ST8SIA1: variants seen among roughly 807,000 people sequenced by gnomAD.
ST8SIA1 encodes alpha-N-acetylneuraminide alpha-2,8-sialyltransferase.
A neutral mutation model predicts 35.9 loss-of-function variants in ST8SIA1; 16 were observed. The observed-to-expected ratio is 0.45, with a 90% confidence interval of 0.30 to 0.68. The LOEUF is 0.68. ST8SIA1 is among the 30% of genes least tolerant of loss of function. The pLI is 0.09. For missense variants in ST8SIA1, 383 were observed against 453.6 expected (o/e 0.84, Z 1.41); for synonymous variants, 170 against 169.6 (o/e 1.00, Z -0.02).
intron 2 of ST8SIA1, among the ~76,000 whole-genome samples, chr12:22,276,722 G>A (rs1217898034): frequency 6.6e-6 from 1 of 152,094 alleles, no homozygotes; most frequent in Non-Finnish European, 1.5e-5. Context: ...GAAGGTGTGA[G>A]CCTGGGAGTG....
intron 4 of ST8SIA1, chr12:22,223,857 T>A (rs187471528): frequency 2.7e-6 from 3 of 1,098,318 alleles, no homozygotes; most frequent in Non-Finnish European, 3.4e-6. Flanking sequence ...TGTTTCTAAT[T>A]GTGCAAAATA....
intron 1 of ST8SIA1, among the ~76,000 whole-genome samples, chr12:22,321,816 C>T (rs1866606091): frequency 6.6e-6 from 1 of 152,214 alleles, no homozygotes. Flanking sequence ...ACTCAGCTCA[C>T]CAGAGTCTTG....
Position 22,296,357 on chromosome 12 carries a change from G to T in ST8SIA1, c.237-9064C>A, listed in dbSNP as rs546755796. 2.6e-5 allele frequency among the ~76,000 whole-genome samples: 4 copies of T among 152,262 alleles called. No homozygotes were observed. In the East Asian group the frequency reaches 7.7e-4, roughly 29 times the overall value. On this transcript the variant is annotated intron_variant, in intron 1 of 4. Transcript: ENST00000396037. The stretch of plus-strand genomic sequence containing the variant: ...TTGAATTTGACTAGAAGTTGCAATG[G>T]AGGGTGTGGGGCCACTGCACAACAG...
chr12:22,320,941 GAA>G (rs1371936540), intron 1 of ST8SIA1, among the ~76,000 whole-genome samples: 15 of 70,918 alleles, frequency 2.1e-4, no homozygotes, highest in Non-Finnish European at 3.5e-4. Flanking sequence ...AAGAAAGAAA[GAA>G]AGAAAGAAAG....
intron 1 of ST8SIA1, among the ~76,000 whole-genome samples, chr12:22,333,099 A>T (rs1220159478): frequency 1.3e-5 from 2 of 152,246 alleles, no homozygotes; most frequent in Non-Finnish European, 1.5e-5. Context: ...TGCTGCCGTA[A>T]CTTATTTTTA....
intron 1 of ST8SIA1, among the ~76,000 whole-genome samples, chr12:22,318,165 A>T (rs1021174751): frequency 6.7e-6 from 1 of 149,394 alleles, no homozygotes; most frequent in Non-Finnish European, 1.5e-5. Flanking sequence ...TTATTTTAAT[A>T]AAAAAAATAC....
intron 2 of ST8SIA1, among the ~76,000 whole-genome samples, chr12:22,272,842 T>C (rs984438005): frequency 1.3e-5 from 2 of 152,222 alleles, no homozygotes; most frequent in African/African-American, 4.8e-5. Flanking sequence ...TTAGTTCTGG[T>C]TGGGGAGAAG....
intron 4 of ST8SIA1, among the ~76,000 whole-genome samples, chr12:22,221,951 T>C (rs1437428481): frequency 1.3e-5 from 2 of 152,152 alleles, no homozygotes; most frequent in Non-Finnish European, 2.9e-5. Context: ...AATACCACCA[T>C]TCTTCACCCA....
At chr12:22,277,357 A>T (rs186628227) in intron 2 of ST8SIA1, among the ~76,000 whole-genome samples, 295 of 150,602 alleles carry the variant, frequency 2.0e-3, no homozygotes, top group Admixed American at 3.4e-3. Context: ...GCAAATTCAT[A>T]ATAGTGAACT....
chr12:22,325,951 C>T (rs1209310941), intron 1 of ST8SIA1: 3 of 672,132 alleles, frequency 4.5e-6, no homozygotes, highest in East Asian at 2.8e-5. Context: ...AGGGAAGATT[C>T]GCATCCCAGG....
intron 4 of ST8SIA1, among the ~76,000 whole-genome samples, chr12:22,207,973 T>A (rs896078622): frequency 6.6e-6 from 1 of 151,786 alleles, no homozygotes; most frequent in African/African-American, 2.4e-5. Context: ...CGAAACCCCA[T>A]CTCTACTAAA....
intron 4 of ST8SIA1, among the ~76,000 whole-genome samples, chr12:22,238,853 A>T (rs1399711181): frequency 6.6e-6 from 1 of 152,136 alleles, no homozygotes; most frequent in African/African-American, 2.4e-5. Context: ...TTTTTTCTGG[A>T]GTAACATACT....
intron 4 of ST8SIA1, among the ~76,000 whole-genome samples, chr12:22,245,717 G>A (rs1459313934): frequency 6.6e-6 from 1 of 152,170 alleles, no homozygotes; most frequent in Non-Finnish European, 1.5e-5. Context: ...CAGAGTGGGG[G>A]GCTGGTCACT....
chr12:22,258,053 C>T (rs1030230548), intron 2 of ST8SIA1, among the ~76,000 whole-genome samples: 3 of 151,546 alleles, frequency 2.0e-5, no homozygotes, highest in Non-Finnish European at 4.4e-5. Flanking sequence ...ATCACCATCA[C>T]TGGGGTAGTG....
intron 1 of ST8SIA1, among the ~76,000 whole-genome samples, chr12:22,316,020 T>TA (rs1375235597): frequency 1.3e-5 from 2 of 151,960 alleles, no homozygotes; most frequent in Non-Finnish European, 2.9e-5. Flanking sequence ...GATAGAATTC[T>TA]AAAAAAACTA....
At chr12:22,235,294 T>A (rs1441628248) in intron 4 of ST8SIA1, among the ~76,000 whole-genome samples, 2 of 152,210 alleles carry the variant, frequency 1.3e-5, no homozygotes, top group South Asian at 4.1e-4. Context: ...TTAAACAATA[T>A]ATAATCCAAT....
At chr12:22,237,188 G>T (rs7310760) in intron 4 of ST8SIA1, among the ~76,000 whole-genome samples, 62,809 of 151,920 alleles carry the variant, frequency 0.41, 13,695 homozygotes, top group Middle Eastern at 0.6. Context: ...AGCCTTGAAC[G>T]CCTAGGCTCA....
intron 4 of ST8SIA1, among the ~76,000 whole-genome samples, chr12:22,231,055 G>A (rs969694326): frequency 1.3e-4 from 20 of 151,290 alleles, no homozygotes. Flanking sequence ...TGTAAGTTGA[G>A]TTGTGAAAAT....
intron 4 of ST8SIA1, among the ~76,000 whole-genome samples, chr12:22,244,326 G>A (rs1865574254): frequency 6.6e-6 from 1 of 152,016 alleles, no homozygotes; most frequent in East Asian, 1.9e-4. Flanking sequence ...AACACTTCTA[G>A]CAATCCAGAG....
Sources: allele counts gnomAD v4.1 joint callset (sites outside exome capture counted in the v4.1 genomes callset), GRCh38; gene constraint gnomAD v4.1.1; transcripts MANE v1.5; gene names NCBI Gene and HGNC (gene_info 2026-07-23, HGNC 2026-07-21).